RBFOX3: variants seen among roughly 807,000 people sequenced by gnomAD.
RBFOX3 encodes RNA binding protein fox-1 homolog 3.
RBFOX3 carries 17 observed loss-of-function variants against 48.7 expected under a neutral mutation model. The ratio of observed to expected loss-of-function variants is 0.35; its 90% confidence interval spans 0.24 to 0.52. The LOEUF (loss-of-function observed/expected upper bound fraction) is 0.52, where lower values mean the gene tolerates loss of function less well. Among genes scored for constraint, RBFOX3 ranks in the 20% least tolerant of loss-of-function variants. The pLI, the probability that RBFOX3 is intolerant of heterozygous loss-of-function variation, is 0.94. For synonymous variants in RBFOX3, 212 were observed against 209.5 expected (o/e 1.01, Z -0.10); for missense variants, 382 against 497.5 (o/e 0.77, Z 2.21).
At position 79,421,235 on chromosome 17, in the gene RBFOX3, T is replaced by C. The variant is rs2078691265; in HGVS notation, c.-175+61219A>G. 1.3e-5 allele frequency among the ~76,000 whole-genome samples: 2 copies of C among 152,204 alleles called. No homozygotes were observed. The highest frequency in any genetic ancestry group is 4.8e-5 in the African/African-American group (2 of 41,448). On this transcript the variant is annotated intron_variant, in intron 2 of 14. Transcript: ENST00000693108. This position sits in a 1 kb window ranked among gnomAD's most constrained non-coding sequence, Gnocchi z 4.5. ...GCTTCTCTCAGCTGGTTCCACCCTGTGTCTTTTAGCTGTAATGAACCCTGA... is the reference window on the plus strand; with the variant it reads ...GCTTCTCTCAGCTGGTTCCACCCTGCGTCTTTTAGCTGTAATGAACCCTGA...
intron 3 of RBFOX3, among the ~76,000 whole-genome samples, chr17:79,239,676 C>T (rs1227950929): frequency 6.6e-6 from 1 of 152,272 alleles, no homozygotes; most frequent in African/African-American, 2.4e-5. Context: ...TCTGCTTTCC[C>T]ACTAGACTGT....
chr17:79,147,709 G>C (rs1448368488), intron 4 of RBFOX3, among the ~76,000 whole-genome samples: 2 of 152,250 alleles, frequency 1.3e-5, no homozygotes, highest in South Asian at 4.1e-4. Context: ...GGCTGGCCAA[G>C]GGCCTTGTCC....
intron 4 of RBFOX3, among the ~76,000 whole-genome samples, chr17:79,167,799 CT>C (rs1451482965): frequency 6.6e-6 from 1 of 152,232 alleles, no homozygotes; most frequent in Non-Finnish European, 1.5e-5. Context: ...AGCACGGGGC[CT>C]GGAGGTGCCC....
At chr17:79,546,686 T>TTTC (rs1411139293) in intron 1 of RBFOX3, among the ~76,000 whole-genome samples, 2,500 of 150,696 alleles carry the variant, frequency 0.017, 95 homozygotes, top group African/African-American at 0.059. Flanking sequence ...TTTTTTTTTT[T>TTTC]TGAGACACGG....
intron 2 of RBFOX3, among the ~76,000 whole-genome samples, chr17:79,344,695 C>T (rs1329916182): frequency 6.6e-6 from 1 of 152,122 alleles, no homozygotes; most frequent in Non-Finnish European, 1.5e-5. Context: ...CCTGGGATTA[C>T]AGGTGCATGC....
At chr17:79,620,518 CA>C in the RBFOX3 span, among the ~76,000 whole-genome samples, 1 of 150,490 alleles carries the variant, frequency 6.6e-6, no homozygotes, top group Admixed American at 6.6e-5. Context: ...CGCATACGTG[CA>C]CATGCATACG....
Position 79,204,524 on chromosome 17 carries a change from G to A in RBFOX3, c.-34+31242C>T, listed in dbSNP as rs2057253606. Reference sequence around the variant, plus strand: ...TTCAGTCAACGAGGTCGACGCGCTGGAACTACTTTGGTGGAGTATTAAAGA... The same window carrying A: ...TTCAGTCAACGAGGTCGACGCGCTGAAACTACTTTGGTGGAGTATTAAAGA... On this transcript the variant is annotated intron_variant, in intron 4 of 14. Transcript: ENST00000693108. The surrounding 1 kb of genome is among the most constrained non-coding windows in gnomAD (Gnocchi z 4.5). Among the ~76,000 whole-genome samples the A allele has an allele frequency of 6.6e-6, 1 of 152,214 alleles. No homozygotes were observed. The highest frequency in any genetic ancestry group is 2.1e-4 in the South Asian group (1 of 4,836).
chr17:79,187,897 T>C (rs2053735569), intron 4 of RBFOX3, among the ~76,000 whole-genome samples: 1 of 151,820 alleles, frequency 6.6e-6, no homozygotes, highest in African/African-American at 2.4e-5. Flanking sequence ...GCAGACACCA[T>C]GGGGCAAGGT....
chr17:79,471,232 C>T lies in RBFOX3; in HGVS notation c.-175+11222G>A, dbSNP rs941759531. Among the ~76,000 whole-genome samples, 1 of 152,150 alleles carries T rather than the reference C, an allele frequency of 6.6e-6. No individual in the cohort carries two copies. The highest frequency in any genetic ancestry group is 1.5e-5 in the Non-Finnish European group (1 of 68,032). ...AGGGTCTCTCATGGGAAGCAGCCAT[C>T]GTGGCTCTCAGCTCATGGAAAGCGG... On this transcript the variant is annotated intron_variant, in intron 2 of 14. Transcript: ENST00000693108. This position sits in a 1 kb window ranked among gnomAD's most constrained non-coding sequence, Gnocchi z 4.0.
intron 4 of RBFOX3, among the ~76,000 whole-genome samples, chr17:79,117,840 G>A (rs2034517711): frequency 6.6e-6 from 1 of 152,232 alleles, no homozygotes; most frequent in Non-Finnish European, 1.5e-5. Context: ...AGTCCAGCGG[G>A]AAAGGAAAGC....
chr17:79,350,303 T>C (rs1271491028), intron 2 of RBFOX3, among the ~76,000 whole-genome samples: 1 of 152,190 alleles, frequency 6.6e-6, no homozygotes, highest in Non-Finnish European at 1.5e-5. Flanking sequence ...CTGATGGTCC[T>C]GTTTAATTCT....
At chr17:79,286,487 C>T (rs560440192) in intron 3 of RBFOX3, among the ~76,000 whole-genome samples, 14 of 152,322 alleles carry the variant, frequency 9.2e-5, no homozygotes, top group African/African-American at 2.4e-4. Flanking sequence ...GAACAGAAAA[C>T]GCTGAGATGG....
intron 1 of RBFOX3, among the ~76,000 whole-genome samples, chr17:79,574,098 T>C (rs1358451307): frequency 6.6e-6 from 1 of 152,260 alleles, no homozygotes; most frequent in South Asian, 2.1e-4. Context: ...TGAGGGGTTG[T>C]TTAAAAAGTC....
At position 79,312,379 on chromosome 17, in the gene RBFOX3, C is replaced by T. The variant is rs960254746; in HGVS notation, c.-174-4555G>A. On this transcript the variant is annotated intron_variant, in intron 2 of 14. Coordinates refer to ENST00000693108, the MANE Select transcript of RBFOX3 (RefSeq NM_001350451.2). ...CCTGACCCACCTTTCTAGGGTGCAGCAGAGATGAGGAAGGGGCTGTGGTCT... is the reference window on the plus strand; with the variant it reads ...CCTGACCCACCTTTCTAGGGTGCAGTAGAGATGAGGAAGGGGCTGTGGTCT... Among the ~76,000 whole-genome samples, 6 of 151,698 alleles carry T rather than the reference C, an allele frequency of 4.0e-5. No homozygotes were observed. The South Asian group carries it at 6.2e-4, about 16-fold the overall frequency.
chr17:79,257,326 T>C (rs927139357), intron 3 of RBFOX3, among the ~76,000 whole-genome samples: 1 of 152,228 alleles, frequency 6.6e-6, no homozygotes, highest in Non-Finnish European at 1.5e-5. Context: ...TTTCAGTTCA[T>C]GCTTTGGCAA....
intron 1 of RBFOX3, among the ~76,000 whole-genome samples, chr17:79,528,239 C>G (rs2150055025): frequency 6.6e-6 from 1 of 152,010 alleles, no homozygotes; most frequent in East Asian, 1.9e-4. Flanking sequence ...TGAGGAGGAT[C>G]TTAGTTGAAA....
At chr17:79,133,565 C>T (rs2039482412) in intron 4 of RBFOX3, among the ~76,000 whole-genome samples, 1 of 152,226 alleles carries the variant, frequency 6.6e-6, no homozygotes, top group African/African-American at 2.4e-5. Context: ...AATACCTCCT[C>T]TGGGAAGCCT....
intron 1 of RBFOX3, among the ~76,000 whole-genome samples, chr17:79,565,039 CAAA>C (rs1303157702): frequency 2.6e-5 from 3 of 113,942 alleles, no homozygotes; most frequent in Non-Finnish European, 3.5e-5. Flanking sequence ...GACTCTGTCT[CAAA>C]AAAAAAAAAA....
At chr17:79,474,113 C>T (rs1215652686) in intron 2 of RBFOX3, among the ~76,000 whole-genome samples, 12 of 147,596 alleles carry the variant, frequency 8.1e-5, no homozygotes, top group Admixed American at 6.8e-4. Flanking sequence ...ATGCACGTGT[C>T]AATGCAGAAA....
Sources: allele counts gnomAD v4.1 joint callset (sites outside exome capture counted in the v4.1 genomes callset), GRCh38; gene constraint gnomAD v4.1.1; non-coding constraint Gnocchi (gnomAD v3.1); transcripts MANE v1.5; gene names NCBI Gene and HGNC (gene_info 2026-07-23, HGNC 2026-07-21).